The following DPP6 variants were observed in gnomAD, a reference collection of about 807,000 sequenced individuals.
DPP6 encodes A-type potassium channel modulatory protein DPP6.
Under a neutral mutation model 122.6 loss-of-function variants are expected in DPP6, and 69 were observed. The ratio of observed to expected loss-of-function variants is 0.56; its 90% confidence interval spans 0.46 to 0.69. DPP6 has a LOEUF of 0.69. Among genes scored for constraint, DPP6 ranks in the 30% least tolerant of loss-of-function variants. The pLI is 0.00. For synonymous variants in DPP6, 418 were observed against 433.1 expected (o/e 0.97, Z 0.43); for missense variants, 928 against 1,116.9 (o/e 0.83, Z 2.41).
chr7:154,401,084 CT>C (rs2151185443), intron 1 of DPP6, among the ~76,000 whole-genome samples: 1 of 152,108 alleles, frequency 6.6e-6, no homozygotes, highest in East Asian at 1.9e-4. Context: ...GTAATCCCAG[CT>C]ACTCGGGAGG....
intron 1 of DPP6, among the ~76,000 whole-genome samples, chr7:154,130,519 C>T (rs546128906): frequency 6.6e-6 from 1 of 152,208 alleles, no homozygotes; most frequent in Non-Finnish European, 1.5e-5. Context: ...TTCCTCAATT[C>T]TCTTTTAAAG....
At chr7:154,625,385 T>C (rs1328243547) in intron 5 of DPP6, among the ~76,000 whole-genome samples, 1 of 152,152 alleles carries the variant, frequency 6.6e-6, no homozygotes, top group Non-Finnish European at 1.5e-5. Flanking sequence ...AGATGCTGAC[T>C]TGACTGGACT....
At chr7:154,331,405 G>A (rs1194151063) in intron 1 of DPP6, among the ~76,000 whole-genome samples, 2 of 152,204 alleles carry the variant, frequency 1.3e-5, no homozygotes, top group Non-Finnish European at 2.9e-5. Flanking sequence ...CTAATAGACG[G>A]GGGGATAACT....
At chr7:154,685,530 C>T (rs977304942) in intron 7 of DPP6, among the ~76,000 whole-genome samples, 37 of 152,248 alleles carry the variant, frequency 2.4e-4, no homozygotes, top group African/African-American at 8.4e-4. Context: ...TGCTTACAGG[C>T]GGGACTGGGA....
intron 5 of DPP6, chr7:154,587,807 C>A (rs35392762): frequency 1.2e-6 from 2 of 1,612,220 alleles, no homozygotes; most frequent in Non-Finnish European, 1.7e-6. Context: ...GACTATGTCT[C>A]GGCAGTCAAT....
chr7:154,102,430 C>A (rs1158131369), intron 1 of DPP6, among the ~76,000 whole-genome samples: 1 of 152,088 alleles, frequency 6.6e-6, no homozygotes, highest in East Asian at 1.9e-4. Context: ...CTCAGGTAAT[C>A]CGCCCGCCTC....
chr7:154,672,100 TC>T (rs1310694154), intron 7 of DPP6, among the ~76,000 whole-genome samples: 4 of 152,036 alleles, frequency 2.6e-5, no homozygotes, highest in Admixed American at 1.3e-4. Context: ...GGGGGCAGTT[TC>T]CCCCATGCTC....
rs140724734 is a variant in DPP6 at position 154,441,968 on chromosome 7, G to T, written c.244-4246G>T. 2.7e-4 allele frequency among the ~76,000 whole-genome samples: 41 copies of T among 152,346 alleles called. No individual in the cohort carries two copies. The East Asian group carries it at 7.5e-3, about 28-fold the overall frequency. Reference sequence around the variant, plus strand: ...TTTTGCCTGAGTTAAAAATAAGTATGAGCAGCAGTGATGTCGCAAAGGACA... The same window carrying T: ...TTTTGCCTGAGTTAAAAATAAGTATTAGCAGCAGTGATGTCGCAAAGGACA... On this transcript the variant is annotated intron_variant, in intron 1 of 25. Coordinates refer to ENST00000377770, the MANE Select transcript of DPP6 (RefSeq NM_130797.4).
chr7:153,787,196 C>T, the DPP6 span, among the ~76,000 whole-genome samples: 11 of 136,842 alleles, frequency 8.0e-5, 1 homozygote, highest in South Asian at 2.7e-4. Flanking sequence ...GTGATCCACC[C>T]GCCTCGGCCT....
At chr7:154,880,246 C>T (rs1383018924) in intron 20 of DPP6, among the ~76,000 whole-genome samples, 1 of 152,202 alleles carries the variant, frequency 6.6e-6, no homozygotes, top group Non-Finnish European at 1.5e-5. Flanking sequence ...GGCAAGGTCC[C>T]AGCAAGGGTG....
At chr7:154,414,274 A>T (rs113048455) in intron 1 of DPP6, among the ~76,000 whole-genome samples, 1 of 152,216 alleles carries the variant, frequency 6.6e-6, no homozygotes, top group African/African-American at 2.4e-5. Flanking sequence ...TAGCACAAAG[A>T]TCTTTTCAGC....
At chr7:153,798,540 C>G in the DPP6 span, among the ~76,000 whole-genome samples, 5 of 152,048 alleles carry the variant, frequency 3.3e-5, no homozygotes, top group South Asian at 2.1e-4. Flanking sequence ...TGTGGAGGAC[C>G]CCTAAGTAAA....
intron 1 of DPP6, among the ~76,000 whole-genome samples, chr7:154,388,321 C>A (rs910140034): frequency 1.3e-5 from 2 of 152,152 alleles, no homozygotes; most frequent in Non-Finnish European, 2.9e-5. Context: ...ATGAGTTATA[C>A]TGCTAAATGG....
chr7:154,492,655 G>A (rs571586909), intron 3 of DPP6, among the ~76,000 whole-genome samples: 1 of 152,242 alleles, frequency 6.6e-6, no homozygotes, highest in South Asian at 2.1e-4. Context: ...TTTTACATAT[G>A]AGGAAACTGA....
intron 5 of DPP6, among the ~76,000 whole-genome samples, chr7:154,579,995 A>G (rs975371117): frequency 1.3e-5 from 2 of 152,186 alleles, no homozygotes; most frequent in Admixed American, 1.3e-4. Context: ...AATGAGCCCC[A>G]TAATCAGACA....
At chr7:154,678,149 C>CGGACCAATCAGCACTCTGTAAAAT (rs1839037106) in intron 7 of DPP6, among the ~76,000 whole-genome samples, 1 of 152,114 alleles carries the variant, frequency 6.6e-6, no homozygotes, top group East Asian at 1.9e-4. Context: ...TCTGTAAAAA[C>CGGACCAATCAGCACTCTGTAAAAT]GGACCAATCA....
At chr7:154,432,548 C>T (rs1818512609) in intron 1 of DPP6, among the ~76,000 whole-genome samples, 1 of 152,204 alleles carries the variant, frequency 6.6e-6, no homozygotes, top group Non-Finnish European at 1.5e-5. Flanking sequence ...ACACCCCCTT[C>T]TCCATCGGGA....
intron 4 of DPP6, among the ~76,000 whole-genome samples, chr7:154,548,437 C>T (rs139672610): frequency 0.041 from 6,064 of 148,376 alleles, 412 homozygotes; most frequent in African/African-American, 0.14. Flanking sequence ...CTGAGGCAGA[C>T]GAATCGCTTG....
intron 1 of DPP6, among the ~76,000 whole-genome samples, chr7:154,255,927 A>G (rs1418613393): frequency 6.6e-6 from 1 of 152,222 alleles, no homozygotes; most frequent in Non-Finnish European, 1.5e-5. Context: ...TTCAACACCT[A>G]TAAAATAAGA....
Sources: gnomAD v4.1 joint callset for allele counts (sites outside exome capture counted in the v4.1 genomes callset) on GRCh38, gnomAD v4.1.1 for gene constraint, MANE v1.5 for transcripts, NCBI Gene and HGNC (gene_info 2026-07-23, HGNC 2026-07-21) for gene names.